CFAP92: variants seen among roughly 807,000 people sequenced by gnomAD.
CFAP92 encodes the protein uncharacterized protein CFAP92.
CFAP92 carries 86 observed loss-of-function variants against 106.3 expected under a neutral mutation model. That is an observed-to-expected ratio of 0.81 (90% CI 0.68 to 0.97). CFAP92 has a LOEUF of 0.97. Among genes scored for constraint, CFAP92 ranks in the 50% least tolerant of loss-of-function variants. The pLI, the probability that CFAP92 is intolerant of heterozygous loss-of-function variation, is 0.00. For missense variants in CFAP92, 1,204 were observed against 1,283.8 expected (o/e 0.94, Z 0.95); for synonymous variants, 477 against 506.4 (o/e 0.94, Z 0.78).
chr3:129,006,980 T>C (rs1945103421), upstream of CFAP92, among the ~76,000 whole-genome samples: 1 of 152,208 alleles, frequency 6.6e-6, no homozygotes, highest in African/African-American at 2.4e-5. Context: ...TGTAAGCTCA[T>C]GGGGCCTCTA....
At chr3:129,007,354 A>G (rs1945118065), upstream of CFAP92, among the ~76,000 whole-genome samples, 1 of 152,220 alleles carries the variant, frequency 6.6e-6, no homozygotes, top group South Asian at 2.1e-4. Flanking sequence ...ACCGGGAGGA[A>G]AGGGCCCCAT....
chr3:128,911,797 T>C (rs1297740652), intron 15 of CFAP92, among the ~76,000 whole-genome samples: 2 of 152,172 alleles, frequency 1.3e-5, no homozygotes, highest in African/African-American at 2.4e-5. Flanking sequence ...GAGCATCTGG[T>C]TGTACCTGAT....
chr3:128,958,638 C>T (rs1941630322), intron 9 of CFAP92, among the ~76,000 whole-genome samples: 1 of 152,210 alleles, frequency 6.6e-6, no homozygotes. Context: ...CTGTGGCTTA[C>T]ACCTATAATC....
At chr3:128,964,756 C>A (rs930294926) in intron 9 of CFAP92, among the ~76,000 whole-genome samples, 2 of 152,046 alleles carry the variant, frequency 1.3e-5, no homozygotes, top group African/African-American at 4.8e-5. Flanking sequence ...TCTAACATCC[C>A]CACAATATCA....
chr3:129,023,316 T>C, the CFAP92 span, among the ~76,000 whole-genome samples: 2 of 151,536 alleles, frequency 1.3e-5, no homozygotes, highest in Admixed American at 1.3e-4. Flanking sequence ...GCTTCTTTTT[T>C]TTTTTTTTTT....
chr3:128,964,441 C>T (rs1374792122), intron 9 of CFAP92, among the ~76,000 whole-genome samples: 1 of 152,232 alleles, frequency 6.6e-6, no homozygotes, highest in Non-Finnish European at 1.5e-5. Context: ...CCGTTCTCAA[C>T]TACTCATACG....
chr3:128,944,320 G>A (rs760382309), intron 10 of CFAP92, among the ~76,000 whole-genome samples: 1 of 152,086 alleles, frequency 6.6e-6, no homozygotes, highest in Non-Finnish European at 1.5e-5. Context: ...CACTTCTCCT[G>A]GGCTTATAAT....
chr3:128,985,595 C>T (rs1330299280), intron 4 of CFAP92, among the ~76,000 whole-genome samples: 1 of 152,164 alleles, frequency 6.6e-6, no homozygotes, highest in East Asian at 1.9e-4. Context: ...CTTCCTGATA[C>T]TCCCACCTCA....
intron 7 of CFAP92, among the ~76,000 whole-genome samples, chr3:128,973,622 C>T (rs1942959443): frequency 6.6e-6 from 1 of 150,856 alleles, no homozygotes; most frequent in East Asian, 1.9e-4. Flanking sequence ...CGCCATTGTA[C>T]TCCAGCCTAG....
At chr3:128,983,763 G>A (rs866095008) in intron 4 of CFAP92, among the ~76,000 whole-genome samples, 20 of 152,270 alleles carry the variant, frequency 1.3e-4, no homozygotes, top group Admixed American at 1.3e-4. Flanking sequence ...GGAGAGCCAC[G>A]TGTCTGCAGG....
chr3:128,935,684 C>A (rs62265294), intron 10 of CFAP92, among the ~76,000 whole-genome samples: 4,367 of 152,086 alleles, frequency 0.029, 108 homozygotes, highest in South Asian at 0.11. Flanking sequence ...TGCACTCCAG[C>A]CTGGGTAACA....
intron 9 of CFAP92, among the ~76,000 whole-genome samples, chr3:128,950,407 G>A (rs1940665999): frequency 6.6e-6 from 1 of 152,200 alleles, no homozygotes; most frequent in Non-Finnish European, 1.5e-5. Context: ...AGACAGTGGA[G>A]GAAAACGTCT....
At position 128,987,703 on chromosome 3, in the gene CFAP92, T is replaced by C. The variant is rs1432094260; in HGVS notation, c.580A>G (p.Thr194Ala). Residue 194 changes from threonine (T) to alanine (A), a missense_variant, in exon 4 of 16, where the codon ACT becomes GCT. Thr to Ala is a moderately conservative substitution (Grantham distance 58, BLOSUM62 0). Coordinates refer to ENST00000645291, the MANE Select transcript of CFAP92 (RefSeq NM_001394090.1). ...FHKITLRLWN[T>A]KDKMSRKVRY... Reference sequence around the variant, plus strand: ...ACTTTTCTTGACATCTTGTCTTTAGTGTTCCAGAGCCTCAAGGTGATTTTG... The same window carrying C: ...ACTTTTCTTGACATCTTGTCTTTAGCGTTCCAGAGCCTCAAGGTGATTTTG... 1.9e-6 allele frequency: 3 copies of C among 1,613,920 alleles called. No individual in the cohort carries two copies. The highest frequency in any genetic ancestry group is 2.5e-6 in the Non-Finnish European group (3 of 1,179,878).
At position 128,939,606 on chromosome 3, in the gene CFAP92, C is replaced by T. The variant is rs370289052; in HGVS notation, c.2259-4287G>A. Among the ~76,000 whole-genome samples, 15 of 152,252 alleles carry T rather than the reference C, an allele frequency of 9.9e-5. No homozygotes were observed. The East Asian group carries it at 2.3e-3, about 23-fold the overall frequency. On this transcript the variant is annotated intron_variant, in intron 10 of 15. Transcript: ENST00000645291. ...ACCCCACACCCCTCAGCTATCGCTC[C>T]GTATACTCCCAACCCCCTGAATACC...
intron 12 of CFAP92, among the ~76,000 whole-genome samples, chr3:128,917,093 G>C (rs950411339): frequency 6.6e-6 from 1 of 152,206 alleles, no homozygotes; most frequent in Non-Finnish European, 1.5e-5. Context: ...AGAACAGACT[G>C]TCCAGGCAAC....
At chr3:128,936,829 A>G (rs1371465042) in intron 10 of CFAP92, among the ~76,000 whole-genome samples, 2 of 152,180 alleles carry the variant, frequency 1.3e-5, no homozygotes, top group African/African-American at 2.4e-5. Flanking sequence ...TGCTTCCCAA[A>G]TAAAATTTTT....
chr3:128,932,151 A>G (rs183353818), intron 12 of CFAP92, among the ~76,000 whole-genome samples: 2 of 152,314 alleles, frequency 1.3e-5, no homozygotes, highest in Middle Eastern at 3.4e-3. Context: ...GACCACAGGC[A>G]CACAACTCCA....
chr3:128,938,615 T>C (rs1167350063), intron 10 of CFAP92, among the ~76,000 whole-genome samples: 1 of 151,570 alleles, frequency 6.6e-6, no homozygotes, highest in African/African-American at 2.4e-5. Context: ...TGCCTCAGCC[T>C]CCTGAGTAGC....
chr3:128,971,723 A>G (rs543465285), intron 7 of CFAP92, among the ~76,000 whole-genome samples: 2 of 152,348 alleles, frequency 1.3e-5, no homozygotes, highest in South Asian at 2.1e-4. Context: ...CAATGATGCC[A>G]TAACACACTC....
Sources: gnomAD v4.1 joint callset for allele counts (sites outside exome capture counted in the v4.1 genomes callset) on GRCh38, gnomAD v4.1.1 for gene constraint, MANE v1.5 for transcripts, NCBI Gene and HGNC (gene_info 2026-07-23, HGNC 2026-07-21) for gene names.